The following ORC1 variants were observed in gnomAD, a reference collection of about 807,000 sequenced individuals.
The protein encoded by ORC1 is origin recognition complex, subunit 1 homolog.
Under a neutral mutation model 98.9 loss-of-function variants are expected in ORC1, and 61 were observed. The ratio of observed to expected loss-of-function variants is 0.62; its 90% confidence interval spans 0.50 to 0.76. The LOEUF (loss-of-function observed/expected upper bound fraction) is 0.76. Ranked by LOEUF, ORC1 falls within the 30% of genes least tolerant of loss-of-function variation. The probability of loss-of-function intolerance (pLI) is 0.00; values close to 1 mark genes in which losing one functional copy is unlikely to be tolerated. For synonymous variants in ORC1, 385 were observed against 406.9 expected (o/e 0.95, Z 0.65); for missense variants, 979 against 1,072.2 (o/e 0.91, Z 1.21).
At chr1:52,385,302 G>C (rs556178618) in intron 9 of ORC1, 40 bp from the exon 10 acceptor site, 10 of 1,274,528 alleles carry the variant, frequency 7.8e-6, no homozygotes, top group Admixed American at 6.7e-5. Context: ...AAGACTTTAG[G>C]AACATTCCCC....
In ORC1 at chr1:52,396,139, T is replaced by C. The variant is rs1158076302; in HGVS notation, c.628A>G (p.Lys210Glu). 6.2e-7 allele frequency: 1 copy of C among 1,614,202 alleles called. No homozygotes were observed. The highest frequency in any genetic ancestry group is 8.5e-7 in the Non-Finnish European group (1 of 1,180,046). The change falls in exon 5 of 17, where the codon AAA (lysine) becomes GAA (glutamate). Residue 210 changes from lysine to glutamate, a missense_variant. Lys to Glu is a moderately conservative substitution (Grantham distance 56). Coordinates refer to ENST00000371568, the MANE Select transcript of ORC1 (RefSeq NM_004153.4). ...PSWTPAEHVA[K>E]RIESRHSASK... ...GCGGAGTGCCTTGATTCAATCCTTT[T>C]GGCCACATGTTCTGCTGGGGTCCAA...
intron 5 of ORC1, 119 bp from the exon 6 acceptor site, chr1:52,393,922 A>C: frequency 8.7e-7 from 1 of 1,152,260 alleles, no homozygotes; most frequent in Non-Finnish European, 1.2e-6. Context: ...CTATATTTTT[A>C]ATCATTCCAG....
Position 52,393,434 on chromosome 1 carries a change from C to A in ORC1, c.1082+9G>T. ...TTCAATTTGCTCTGTGGGTAATGTC[C>A]CTGGTCACCTCTTTTTGATGTTTTC... On this transcript the variant is annotated intron_variant, in intron 6 of 16. Coordinates refer to ENST00000371568, the MANE Select transcript of ORC1 (RefSeq NM_004153.4). 6.2e-7 allele frequency: 1 copy of A among 1,614,024 alleles called. No individual in the cohort carries two copies. Among genetic ancestry groups the A allele is most frequent in the Non-Finnish European group, 8.5e-7 (1 of 1,179,988 alleles).
chr1:52,404,551 T>C (rs528569972), upstream of ORC1: 628 of 537,148 alleles, frequency 1.2e-3, 2 homozygotes, highest in African/African-American at 0.011. Context: ...TCCGCTAACA[T>C]GCAGCCGCCA....
chr1:52,397,908 G>A, intron 3 of ORC1, 45 bp from the exon 4 acceptor site: 1 of 1,542,246 alleles, frequency 6.5e-7, no homozygotes, highest in Non-Finnish European at 9.0e-7. Context: ...ACAACTCAAG[G>A]ACACTTTACT....
intron 11 of ORC1, 21 bp from the exon 12 acceptor site, chr1:52,383,958 T>C (rs764347469): frequency 2.5e-6 from 4 of 1,600,014 alleles, no homozygotes; most frequent in East Asian, 2.2e-5. Flanking sequence ...AGAAACACAG[T>C]TGTGAGGAAC....
intron 3 of ORC1, among the ~76,000 whole-genome samples, chr1:52,398,860 C>T (rs912316055): frequency 6.6e-6 from 1 of 152,224 alleles, no homozygotes; most frequent in African/African-American, 2.4e-5. Flanking sequence ...GCTGGGATTA[C>T]AGGCATGAGC....
intron 6 of ORC1, among the ~76,000 whole-genome samples, chr1:52,392,881 T>C (rs527789295): frequency 3.9e-5 from 6 of 152,298 alleles, no homozygotes; most frequent in African/African-American, 1.4e-4. Flanking sequence ...ATAAGAATGA[T>C]ATAAGGGACT....
chr1:52,377,018 TTTTA>T (rs139569791), intron 14 of ORC1, among the ~76,000 whole-genome samples: 178 of 151,986 alleles, frequency 1.2e-3, no homozygotes, highest in African/African-American at 4.2e-3. Flanking sequence ...AAAACTTGGG[TTTTA>T]TTTATTTATT....
Position 52,384,727 on chromosome 1 carries a change from G to A in ORC1, c.1584-6C>T. ...CACCGGAGATGTACATGCACCTAGA[G>A]CAAGAGAGGAAAACCCGTGGGGTAG... On this transcript the variant is annotated splice_polypyrimidine_tract_variant and splice_region_variant and intron_variant, in intron 10 of 16. Coordinates refer to ENST00000371568, the MANE Select transcript of ORC1 (RefSeq NM_004153.4). The A allele has an allele frequency of 6.2e-7, 1 of 1,612,498 alleles. No individual in the cohort carries two copies. Among genetic ancestry groups the A allele is most frequent in the South Asian group, 1.1e-5 (1 of 90,918 alleles).
chr1:52,401,303 TC>T, intron 3 of ORC1, 58 bp downstream of exon 3: 3 of 1,606,754 alleles, frequency 1.9e-6, no homozygotes, highest in Non-Finnish European at 2.6e-6. Flanking sequence ...ATCCACAATC[TC>T]CCCACCTCCC....
intron 16 of ORC1, among the ~76,000 whole-genome samples, chr1:52,374,412 A>C (rs1323405230): frequency 6.6e-6 from 1 of 152,212 alleles, no homozygotes; most frequent in East Asian, 1.9e-4. Context: ...TAAACTAACA[A>C]AGCACATGCC....
chr1:52,397,706 C>T lies in ORC1; in HGVS notation c.381G>A (p.Glu127=), dbSNP rs1026479874. Residue 127 remains glutamate (E), a synonymous_variant, in exon 4 of 17, where the codon GAG becomes GAA. Transcript: ENST00000371568. ...CTACCCGAACAAGGCCAATGATGGT[C>T]TCCGCATTAATGTTGCTGTCACAGG... ...YPACDSNINA[E]TIIGLVRVIP... 3 of 1,614,178 alleles carry T rather than the reference C, an allele frequency of 1.9e-6. No homozygotes were observed. The highest frequency in any genetic ancestry group is 2.5e-6 in the Non-Finnish European group (3 of 1,180,034).
At chr1:52,383,668 C>G (rs1291195720) in intron 12 of ORC1, 99 bp from the exon 13 acceptor site, 2 of 1,412,454 alleles carry the variant, frequency 1.4e-6, no homozygotes, top group South Asian at 1.2e-5. Flanking sequence ...GCATGTTTCC[C>G]AAGTCATAGC....
chr1:52,393,515 G>C lies in ORC1; in HGVS notation c.1010C>G (p.Thr337Ser), dbSNP rs1263670081. Residue 337 changes from threonine (T) to serine (S), a missense_variant, in exon 6 of 17, where the codon ACC becomes AGC. Thr to Ser is a moderately conservative substitution (Grantham distance 58). Coordinates refer to ENST00000371568, the MANE Select transcript of ORC1 (RefSeq NM_004153.4). ...AGATCTCTGTCCCCCACTGATAGGG[G>C]TAAGTGTTCTCTCCTCTCTAATGTC... ...TIDIREERTL[T>S]PISGGQRSSV... The C allele has an allele frequency of 1.2e-6, 2 of 1,614,180 alleles. No individual in the cohort carries two copies. Among genetic ancestry groups the C allele is most frequent in the East Asian group, 2.2e-5 (1 of 44,886 alleles).
At position 52,385,833 on chromosome 1, in the gene ORC1, G is replaced by A. The variant is rs1476986747; in HGVS notation, c.1481+19C>T. 1.9e-6 allele frequency: 3 copies of A among 1,570,148 alleles called. No individual in the cohort carries two copies. The highest frequency in any genetic ancestry group is 1.3e-5 in the African/African-American group (1 of 74,188). On this transcript the variant is annotated intron_variant, in intron 9 of 16. Coordinates refer to ENST00000371568, the MANE Select transcript of ORC1 (RefSeq NM_004153.4). The stretch of plus-strand genomic sequence containing the variant: ...CCATGGTTCCTGCCTCTCTGAAGGG[G>A]AATCAACAGCAGCAGTACCTCAGTC...
intron 14 of ORC1, among the ~76,000 whole-genome samples, chr1:52,380,933 A>T (rs981140152): frequency 3.9e-5 from 6 of 152,236 alleles, no homozygotes; most frequent in African/African-American, 1.4e-4. Context: ...AGTCACAGTC[A>T]TGTGCTGCTG....
Position 52,401,405 on chromosome 1 carries a change from A to C in ORC1, c.180T>G (p.Asp60Glu), listed in dbSNP as rs1647699644. 1 of 1,614,094 alleles carries C rather than the reference A, an allele frequency of 6.2e-7. No individual in the cohort carries two copies. The highest frequency in any genetic ancestry group is 8.5e-7 in the Non-Finnish European group (1 of 1,180,006). Residue 60 changes from aspartate (D) to glutamate (E), a missense_variant, in exon 3 of 17, where the codon GAT becomes GAG. Coordinates refer to ENST00000371568, the MANE Select transcript of ORC1 (RefSeq NM_004153.4). ...GCAATTTAGCAACATACGGGTTTTC[A>C]TCATCATCCCCTTCAATCAACACAA... ...GQFVLIEGDD[D>E]ENPYVAKLLE...
chr1:52,394,589 G>C (rs1647309825), intron 5 of ORC1, among the ~76,000 whole-genome samples: 1 of 151,890 alleles, frequency 6.6e-6, no homozygotes, highest in African/African-American at 2.4e-5. Context: ...AGAGTTGAAA[G>C]AGGAAGAAGA....
Sources: allele counts gnomAD v4.1 joint callset (sites outside exome capture counted in the v4.1 genomes callset), GRCh38; gene constraint gnomAD v4.1.1; transcripts MANE v1.5; gene names NCBI Gene and HGNC (gene_info 2026-07-23, HGNC 2026-07-21).